RPH3A: variants seen among roughly 807,000 people sequenced by gnomAD.
RPH3A encodes rabphilin 3A.
In RPH3A, 48 loss-of-function variants were observed where a neutral mutation model predicts 102.2. That is an observed-to-expected ratio of 0.47 (90% CI 0.37 to 0.60). RPH3A has a LOEUF of 0.60. RPH3A is among the 20% of genes least tolerant of loss of function. The pLI, the probability that RPH3A is intolerant of heterozygous loss-of-function variation, is 0.00. For missense variants in RPH3A, 781 were observed against 910.1 expected (o/e 0.86, Z 1.83); for synonymous variants, 310 against 324.3 (o/e 0.96, Z 0.47).
intron 1 of RPH3A, among the ~76,000 whole-genome samples, chr12:112,621,257 C>T (rs1001301959): frequency 2.6e-5 from 4 of 151,698 alleles, no homozygotes; most frequent in Non-Finnish European, 5.9e-5. Context: ...GCGTGAGCGA[C>T]GCAGAAGACG....
intron 1 of RPH3A, among the ~76,000 whole-genome samples, chr12:112,739,655 C>T (rs545921502): frequency 6.6e-6 from 1 of 152,340 alleles, no homozygotes; most frequent in Non-Finnish European, 1.5e-5. Flanking sequence ...AAGGCACTTA[C>T]CAGCCGTCCT....
intron 2 of RPH3A, among the ~76,000 whole-genome samples, chr12:112,811,538 C>CCA (rs550231377): frequency 1.9e-4 from 29 of 148,824 alleles, no homozygotes; most frequent in Middle Eastern, 3.4e-3. Context: ...ACCCCCCCCC[C>CCA]AAAAAAAAGA....
intron 1 of RPH3A, among the ~76,000 whole-genome samples, chr12:112,701,486 T>C (rs893742006): frequency 2.3e-4 from 35 of 152,196 alleles, no homozygotes; most frequent in Non-Finnish European, 3.7e-4. Flanking sequence ...TGGGTGGTAG[T>C]TTCACCTAAG....
intron 1 of RPH3A, among the ~76,000 whole-genome samples, chr12:112,649,262 G>A (rs1019831750): frequency 8.5e-5 from 13 of 152,340 alleles, no homozygotes; most frequent in African/African-American, 3.1e-4. Flanking sequence ...ATCTTGGAGA[G>A]TAATGAGATT....
At chr12:112,888,012 C>A in intron 17 of RPH3A, 89 bp downstream of exon 17, 1 of 1,475,950 alleles carries the variant, frequency 6.8e-7, no homozygotes, top group Non-Finnish European at 9.3e-7. Flanking sequence ...GAAATAGATC[C>A]ACGGGGTATT....
intron 1 of RPH3A, among the ~76,000 whole-genome samples, chr12:112,738,345 A>G (rs1396631829): frequency 6.6e-6 from 1 of 151,070 alleles, no homozygotes; most frequent in Non-Finnish European, 1.5e-5. Context: ...GGCGTGCATC[A>G]CTCTTTCCTT....
chr12:112,648,911 C>T (rs1212531500), intron 1 of RPH3A, among the ~76,000 whole-genome samples: 2 of 152,066 alleles, frequency 1.3e-5, no homozygotes, highest in South Asian at 2.1e-4. Context: ...CTCCATCTCC[C>T]GGGTTCAAAC....
chr12:112,887,680 A>G, intron 16 of RPH3A, 117 bp from the exon 17 acceptor site: 7 of 1,138,096 alleles, frequency 6.2e-6, no homozygotes, highest in East Asian at 2.5e-5. Flanking sequence ...ACAGGAAATC[A>G]TATTATTTCC....
chr12:112,887,733 G>T, intron 16 of RPH3A, 64 bp from the exon 17 acceptor site: 1 of 1,551,642 alleles, frequency 6.4e-7, no homozygotes, highest in South Asian at 1.2e-5. Context: ...TGCAACTCTT[G>T]GCACACAGTG....
intron 1 of RPH3A, among the ~76,000 whole-genome samples, chr12:112,670,147 T>C (rs1181795888): frequency 6.6e-6 from 1 of 152,196 alleles, no homozygotes; most frequent in African/African-American, 2.4e-5. Flanking sequence ...CATTTACTCA[T>C]CCACTTATAG....
At chr12:112,721,690 A>G (rs2136042655) in intron 1 of RPH3A, among the ~76,000 whole-genome samples, 1 of 151,732 alleles carries the variant, frequency 6.6e-6, no homozygotes, top group East Asian at 1.9e-4. Flanking sequence ...TTTCAACTCA[A>G]TGGCAAGAGC....
At chr12:112,640,365 AAGC>A (rs1302513482) in intron 1 of RPH3A, among the ~76,000 whole-genome samples, 4 of 138,972 alleles carry the variant, frequency 2.9e-5, no homozygotes, top group Admixed American at 1.5e-4. Context: ...AAAAAAAAAA[AAGC>A]AGCAGGGCTC....
chr12:112,580,430 G>T (rs1168454089), intron 1 of RPH3A, among the ~76,000 whole-genome samples: 1 of 127,762 alleles, frequency 7.8e-6, no homozygotes, highest in African/African-American at 2.9e-5. Context: ...CTGAGATGGA[G>T]TCTCGCTCTG....
chr12:112,690,204 C>T (rs2040295904), intron 1 of RPH3A, among the ~76,000 whole-genome samples: 1 of 152,196 alleles, frequency 6.6e-6, no homozygotes, highest in Admixed American at 6.5e-5. Flanking sequence ...CATAATCTTA[C>T]TTCCAAGAAG....
At position 112,812,091 on chromosome 12, in the gene RPH3A, A is replaced by T. The variant is rs139555441; in HGVS notation, c.-18-16210A>T. ...AGCATCTCCTTTCTAGGATTGCAAC[A>T]AAAGTCTGAGCATTGAGTCTAATTG... is the stretch of plus-strand genomic sequence containing the variant. On this transcript the variant is annotated intron_variant, in intron 2 of 21. Coordinates refer to ENST00000389385, the MANE Select transcript of RPH3A (RefSeq NM_001143854.2). 4.2e-3 allele frequency among the ~76,000 whole-genome samples: 640 copies of T among 152,252 alleles called. 5 individuals carry two copies. Among genetic ancestry groups the T allele is most frequent in the African/African-American group, 0.015 (607 of 41,538 alleles).
chr12:112,898,421 T>C lies in RPH3A; in HGVS notation c.*1641T>C, dbSNP rs1356709850. 1 of 152,108 alleles carries C rather than the reference T, an allele frequency of 6.6e-6. No homozygotes were observed. Among genetic ancestry groups the C allele is most frequent in the African/African-American group, 2.4e-5 (1 of 41,394 alleles). 9.4% of individuals were successfully genotyped at this position (152,108 alleles called of 1,614,324 possible). A position where few individuals can be genotyped will look rare whatever the true frequency, so the allele number is the denominator to read the frequency against. On this transcript the variant is annotated 3_prime_UTR_variant, in exon 22 of 22. Coordinates refer to ENST00000389385, the MANE Select transcript of RPH3A (RefSeq NM_001143854.2). ...CAGACAGATACTCAAACTCTCACTT[T>C]CCCCAAATCACATCTCTTAACTTTT...
intron 2 of RPH3A, among the ~76,000 whole-genome samples, chr12:112,792,864 C>T (rs1478255284): frequency 6.6e-6 from 1 of 152,174 alleles, no homozygotes; most frequent in Non-Finnish European, 1.5e-5. Flanking sequence ...CCACACTATG[C>T]CTGGGATGAG....
intron 1 of RPH3A, among the ~76,000 whole-genome samples, chr12:112,621,355 C>A (rs1224933847): frequency 3.3e-5 from 5 of 149,670 alleles, no homozygotes; most frequent in African/African-American, 1.2e-4. Flanking sequence ...GTGCGCGCAC[C>A]GTGCGCGAGC....
intron 1 of RPH3A, among the ~76,000 whole-genome samples, chr12:112,589,953 C>T (rs570773013): frequency 1.3e-5 from 2 of 152,118 alleles, no homozygotes; most frequent in East Asian, 3.9e-4. Context: ...CGTGATAGTG[C>T]ACACCTGTAA....
Sources: gnomAD v4.1 joint callset for allele counts (sites outside exome capture counted in the v4.1 genomes callset) on GRCh38, gnomAD v4.1.1 for gene constraint, MANE v1.5 for transcripts, NCBI Gene and HGNC (gene_info 2026-07-23, HGNC 2026-07-21) for gene names.